The following PRICKLE1 variants were observed in gnomAD, a reference collection of about 807,000 sequenced individuals.
PRICKLE1 encodes the protein prickle planar cell polarity protein 1.
PRICKLE1 carries 14 observed loss-of-function variants against 70.2 expected under a neutral mutation model. That is an observed-to-expected ratio of 0.20 (90% CI 0.13 to 0.31). The LOEUF is 0.31. Ranked by LOEUF, PRICKLE1 falls within the 10% of genes least tolerant of loss-of-function variation. The pLI is 1.00. For missense variants in PRICKLE1, 821 were observed against 1,026.2 expected, an observed-to-expected ratio of 0.80 and a Z score of 2.73; for synonymous variants, 357 against 379.9, an observed-to-expected ratio of 0.94 and a Z score of 0.70.
chr12:42,502,904 G>C (rs921124716), intron 1 of PRICKLE1, among the ~76,000 whole-genome samples: 2 of 152,186 alleles, frequency 1.3e-5, no homozygotes. Flanking sequence ...CAGCTTCCAA[G>C]AAGAGTATGC....
rs1939666424 is a variant in PRICKLE1, at chr12:42,519,236, A to G, written c.-48-46672T>C. Among the ~76,000 whole-genome samples, 5 of 114,316 alleles carry G rather than the reference A, an allele frequency of 4.4e-5. No homozygotes were observed. The South Asian group carries it at 1.4e-3, about 31-fold the overall frequency. The allele number at this position is 114,316 out of a possible 152,430, so 75.0% of individuals were successfully genotyped here. ...TTTGAGATGGTGTGTTGCTCTTGTC[A>G]CCCAGTCTGGAGTGCAATGGCGCAA... On this transcript the variant is annotated intron_variant, in intron 1 of 7. Coordinates refer to ENST00000345127, the MANE Select transcript of PRICKLE1 (RefSeq NM_153026.3).
intron 1 of PRICKLE1, among the ~76,000 whole-genome samples, chr12:42,570,378 A>C (rs1264731348): frequency 6.6e-6 from 1 of 152,260 alleles, no homozygotes; most frequent in Non-Finnish European, 1.5e-5. Context: ...AACAGCTCAC[A>C]GAATTATGAT....
intron 1 of PRICKLE1, among the ~76,000 whole-genome samples, chr12:42,547,065 T>C (rs1013270479): frequency 3.3e-5 from 5 of 152,226 alleles, no homozygotes; most frequent in African/African-American, 9.6e-5. Flanking sequence ...GCATTCTCAC[T>C]AATATAGGAA....
chr12:42,540,151 T>C (rs965193111), intron 1 of PRICKLE1, among the ~76,000 whole-genome samples: 2 of 152,268 alleles, frequency 1.3e-5, no homozygotes, highest in Non-Finnish European at 2.9e-5. Context: ...TTACTCATGC[T>C]ACATAACATA....
intron 1 of PRICKLE1, among the ~76,000 whole-genome samples, chr12:42,561,905 C>CTTTTTTTTTTTT (rs60450733): frequency 6.9e-5 from 6 of 87,242 alleles, no homozygotes; most frequent in Non-Finnish European, 8.9e-5. Context: ...TTTTTCTTTT[C>CTTTTTTTTTTTT]TTTTTTTTTT....
At chr12:42,492,058 A>C (rs1440046558) in intron 1 of PRICKLE1, among the ~76,000 whole-genome samples, 1 of 151,794 alleles carries the variant, frequency 6.6e-6, no homozygotes, top group Non-Finnish European at 1.5e-5. Flanking sequence ...TGCTGGGATT[A>C]CAGGCGTGAC....
At chr12:42,563,182 C>CA (rs879583629) in intron 1 of PRICKLE1, among the ~76,000 whole-genome samples, 25 of 144,196 alleles carry the variant, frequency 1.7e-4, no homozygotes, top group South Asian at 2.2e-4. Context: ...GACTCTGTCT[C>CA]AAAAAAAAAA....
chr12:42,582,812 G>A (rs369204995), intron 1 of PRICKLE1, among the ~76,000 whole-genome samples: 12 of 152,114 alleles, frequency 7.9e-5, no homozygotes, highest in African/African-American at 2.7e-4. Flanking sequence ...GTGTGTGTGT[G>A]TGATTTCTTT....
Position 42,466,346 on chromosome 12 carries a change from C to G in PRICKLE1, c.623G>C (p.Gly208Ala). 2 of 1,614,120 alleles carry G rather than the reference C, an allele frequency of 1.2e-6. No individual in the cohort carries two copies. The highest frequency in any genetic ancestry group is 1.7e-6 in the Non-Finnish European group (2 of 1,180,020). Residue 208 changes from glycine to alanine, a missense_variant, in exon 6 of 8, where the codon GGT becomes GCT. Physicochemically the swap from Gly to Ala is moderately conservative, Grantham distance 60. Transcript: ENST00000345127. ...GAAGTGTTTCATGTGCCAATGGCGA[C>G]CCTCAGCTTCTGTGCACTCATCAGC... ...IFADECTEAE[G>A]RHWHMKHFCC...
At chr12:42,502,625 A>T (rs1939336384) in intron 1 of PRICKLE1, among the ~76,000 whole-genome samples, 1 of 152,028 alleles carries the variant, frequency 6.6e-6, no homozygotes, top group South Asian at 2.1e-4. Context: ...TGGTTTTTTA[A>T]AAAAAATATT....
intron 1 of PRICKLE1, among the ~76,000 whole-genome samples, chr12:42,491,212 T>G (rs1939098256): frequency 6.6e-6 from 1 of 151,916 alleles, no homozygotes; most frequent in African/African-American, 2.4e-5. Context: ...GATATTCACC[T>G]TTAAAATAGA....
Position 42,516,183 on chromosome 12 carries a change from G to A in PRICKLE1, c.-48-43619C>T, listed in dbSNP as rs535852213. Among the ~76,000 whole-genome samples, 6 of 152,072 alleles carry A rather than the reference G, an allele frequency of 3.9e-5. No homozygotes were observed. In the South Asian group the frequency reaches 1.0e-3, roughly 26 times the overall value. On this transcript the variant is annotated intron_variant, in intron 1 of 7. Transcript: ENST00000345127. ...GTCTCGCTCTGTCGCTCAGGCTGGA[G>A]TGCAGTGGTGCAATCTCGGCTCACT...
chr12:42,464,568 G>A lies in PRICKLE1; in HGVS notation c.1466C>T (p.Pro489Leu). ...GLGDSAYGSH[P>L]GPASSRRLQE... ...AAGCCTTCTACTGCTTGCAGGGCCT[G>A]GGTGGCTGCCATAAGCAGAATCGCC... Residue 489 changes from proline to leucine, a missense_variant, in exon 7 of 8, where the codon CCA becomes CTA. Coordinates refer to ENST00000345127, the MANE Select transcript of PRICKLE1 (RefSeq NM_153026.3). The surrounding 1 kb of genome is among the most constrained non-coding windows in gnomAD (Gnocchi z 4.2). 2 of 1,613,928 alleles carry A rather than the reference G, an allele frequency of 1.2e-6. No individual in the cohort carries two copies. Among genetic ancestry groups the A allele is most frequent in the South Asian group, 1.1e-5 (1 of 91,064 alleles).
chr12:42,534,227 G>T (rs1238483058), intron 1 of PRICKLE1, among the ~76,000 whole-genome samples: 1 of 152,278 alleles, frequency 6.6e-6, no homozygotes, highest in Admixed American at 6.5e-5. Flanking sequence ...CCTCTCCATT[G>T]ACAATGGACA....
chr12:42,502,333 G>A (rs1939329947), intron 1 of PRICKLE1, among the ~76,000 whole-genome samples: 2 of 148,300 alleles, frequency 1.3e-5, no homozygotes, highest in African/African-American at 5.0e-5. Context: ...TTTGAGACAG[G>A]GTCTCATTCT....
In PRICKLE1 at chr12:42,563,108, G is replaced by A. The variant is rs140451211; in HGVS notation, c.-49+26357C>T. Among the ~76,000 whole-genome samples the A allele has an allele frequency of 2.9e-3, 436 of 151,810 alleles. 1 individual carries two copies. The highest frequency in any genetic ancestry group is 9.7e-3 in the African/African-American group (403 of 41,384). On this transcript the variant is annotated intron_variant, in intron 1 of 7. Transcript: ENST00000345127. ...TGAGGCAGGAGAATTGCTAGAGTCC[G>A]GGAGACGGAGGTTGCAGTGAACCGA...
intron 1 of PRICKLE1, among the ~76,000 whole-genome samples, chr12:42,585,813 G>C (rs955547787): frequency 6.6e-6 from 1 of 152,128 alleles, no homozygotes; most frequent in Non-Finnish European, 1.5e-5. Flanking sequence ...ATAAACAAGG[G>C]GATGTGATTA....
At chr12:42,542,961 T>C (rs1940142822) in intron 1 of PRICKLE1, among the ~76,000 whole-genome samples, 1 of 152,220 alleles carries the variant, frequency 6.6e-6, no homozygotes, top group African/African-American at 2.4e-5. Context: ...GGCAGAGCTC[T>C]CACAAACAGG....
At chr12:42,539,983 A>T (rs774948607) in intron 1 of PRICKLE1, among the ~76,000 whole-genome samples, 3 of 152,234 alleles carry the variant, frequency 2.0e-5, no homozygotes, top group African/African-American at 4.8e-5. Context: ...CGGTGTGAGA[A>T]GAAAATCAAC....
Sources: gnomAD v4.1 joint callset for allele counts (sites outside exome capture counted in the v4.1 genomes callset) on GRCh38, gnomAD v4.1.1 for gene constraint, Gnocchi (gnomAD v3.1) non-coding constraint, MANE v1.5 for transcripts, NCBI Gene and HGNC (gene_info 2026-07-23, HGNC 2026-07-21) for gene names.